Variants in MCTP1 observed in about 807,000 individuals in gnomAD.
MCTP1 encodes the protein multiple C2 and transmembrane domain containing 1, also known as multiple C2 and transmembrane domain-containing protein 1.
A neutral mutation model predicts 120.6 loss-of-function variants in MCTP1; 69 were observed. The observed-to-expected ratio is 0.57, with a 90% CI of 0.47 to 0.70. The LOEUF (loss-of-function observed/expected upper bound fraction) is 0.70, where lower values mean the gene tolerates loss of function less well. Ranked by LOEUF, MCTP1 falls within the 30% of genes least tolerant of loss-of-function variation. The pLI is 0.00. For synonymous variants in MCTP1, 529 were observed against 493.1 expected (o/e 1.07, Z -0.96); for missense variants, 1,203 against 1,248.8 (o/e 0.96, Z 0.55).
At chr5:95,272,488 C>A (rs1030055644) in intron 1 of MCTP1, among the ~76,000 whole-genome samples, 1 of 152,200 alleles carries the variant, frequency 6.6e-6, no homozygotes, top group Non-Finnish European at 1.5e-5. Flanking sequence ...CAAAGTTATC[C>A]AAGTCATCCA....
chr5:94,953,915 A>G (rs1382055350), intron 2 of MCTP1, among the ~76,000 whole-genome samples: 1 of 72,240 alleles, frequency 1.4e-5, no homozygotes, highest in Non-Finnish European at 2.6e-5. Context: ...GCATATATAT[A>G]CAAATATAAT....
intron 2 of MCTP1, among the ~76,000 whole-genome samples, chr5:94,975,744 C>A (rs138863075): frequency 2.6e-5 from 4 of 152,106 alleles, no homozygotes; most frequent in African/African-American, 7.2e-5. Context: ...CTTTCCCTCT[C>A]TCTTGAGTGT....
At chr5:95,168,371 C>T (rs538888890) in intron 1 of MCTP1, among the ~76,000 whole-genome samples, 77 of 152,240 alleles carry the variant, frequency 5.1e-4, no homozygotes, top group African/African-American at 1.8e-3. Flanking sequence ...ATTGACTTGG[C>T]AATGTGGGCT....
chr5:95,135,222 A>T (rs1234549799), intron 1 of MCTP1, among the ~76,000 whole-genome samples: 1 of 152,164 alleles, frequency 6.6e-6, no homozygotes, highest in Non-Finnish European at 1.5e-5. Flanking sequence ...AGTAGATAAT[A>T]AGAATACATA....
In MCTP1 at chr5:94,864,870, T is replaced by C. The variant is rs76871791; in HGVS notation, c.2436+3463A>G. Among the ~76,000 whole-genome samples the C allele has an allele frequency of 8.0e-3, 1,213 of 151,822 alleles. 8 individuals are homozygous for C. The highest frequency in any genetic ancestry group is 0.013 in the South Asian group (61 of 4,812). ...GAAAGAGAAAATGTGCACTCTTTCT[T>C]CCCCCATGTTGCACCCACTGACATC... On this transcript the variant is annotated intron_variant, in intron 17 of 22. Transcript: ENST00000515393.
At chr5:95,044,945 G>A (rs1842927482) in intron 1 of MCTP1, among the ~76,000 whole-genome samples, 1 of 152,084 alleles carries the variant, frequency 6.6e-6, no homozygotes, top group South Asian at 2.1e-4. Flanking sequence ...TGATCGTCAA[G>A]CATCAAAATG....
intron 2 of MCTP1, among the ~76,000 whole-genome samples, chr5:94,968,422 T>C (rs925519497): frequency 4.6e-5 from 7 of 152,202 alleles, no homozygotes; most frequent in Admixed American, 3.3e-4. Context: ...CTTGGATCTC[T>C]CTTTGGGAAA....
chr5:95,189,744 T>C (rs544860423), intron 1 of MCTP1, among the ~76,000 whole-genome samples: 2 of 152,148 alleles, frequency 1.3e-5, no homozygotes, highest in Non-Finnish European at 2.9e-5. Flanking sequence ...CGTGAGATAC[T>C]GTTAATGATG....
chr5:94,871,024 C>T lies in MCTP1; in HGVS notation c.2140-51G>A, dbSNP rs549737509. ...TCTGTCTCGCGGTCTCTACTGAATA[C>T]ACTCCCTCAGTGACCTTTGACCCCC... is the stretch of plus-strand genomic sequence containing the variant. On this transcript the variant is annotated intron_variant, in intron 14 of 22. Transcript: ENST00000515393. 5 of 1,426,644 alleles carry T rather than the reference C, an allele frequency of 3.5e-6. No individual in the cohort carries two copies. In the African/African-American group the frequency reaches 5.6e-5, roughly 16 times the overall value. 88.4% of individuals were successfully genotyped at this position (1,426,644 alleles called of 1,614,324 possible).
At chr5:94,834,812 CTTTTTTT>C (rs141103769) in intron 17 of MCTP1, among the ~76,000 whole-genome samples, 2 of 88,630 alleles carry the variant, frequency 2.3e-5, no homozygotes, top group African/African-American at 4.0e-5. Context: ...AACATTCTCT[CTTTTTTT>C]TTTTTTTTTT....
intron 1 of MCTP1, among the ~76,000 whole-genome samples, chr5:95,278,028 C>T (rs1484850489): frequency 6.6e-6 from 1 of 150,392 alleles, no homozygotes; most frequent in Non-Finnish European, 1.5e-5. Context: ...ATATTCCATA[C>T]TACAGTTAAA....
chr5:94,747,742 T>TA (rs1767254786), intron 19 of MCTP1, among the ~76,000 whole-genome samples: 1 of 152,134 alleles, frequency 6.6e-6, no homozygotes, highest in South Asian at 2.1e-4. Context: ...TAGTGGTCTT[T>TA]AACTATTATA....
intron 1 of MCTP1, among the ~76,000 whole-genome samples, chr5:95,060,239 G>A (rs1052299010): frequency 6.6e-6 from 1 of 152,094 alleles, no homozygotes; most frequent in Non-Finnish European, 1.5e-5. Context: ...GAGCTAGAGG[G>A]GAACATAATC....
chr5:95,065,561 T>C lies in MCTP1; in HGVS notation c.721-48077A>G, dbSNP rs552661760. Among the ~76,000 whole-genome samples the C allele has an allele frequency of 3.3e-5, 5 of 152,298 alleles. No individual in the cohort carries two copies. The East Asian group carries it at 9.6e-4, about 29-fold the overall frequency. On this transcript the variant is annotated intron_variant, in intron 1 of 22. Coordinates refer to ENST00000515393, the MANE Select transcript of MCTP1 (RefSeq NM_024717.7). ...GAAAACATTTGATAGAATTCAATAC[T>C]CATTAATTTTAAGAAAATCTAGCAA...
At chr5:95,023,563 C>T (rs1379802370) in intron 1 of MCTP1, among the ~76,000 whole-genome samples, 3 of 152,206 alleles carry the variant, frequency 2.0e-5, no homozygotes, top group Non-Finnish European at 4.4e-5. Flanking sequence ...GGCCACCACT[C>T]TGTCAGCTCC....
intron 2 of MCTP1, among the ~76,000 whole-genome samples, chr5:95,010,403 T>A (rs1835698278): frequency 6.6e-6 from 1 of 152,138 alleles, no homozygotes; most frequent in South Asian, 2.1e-4. Context: ...TTTCAAGCTA[T>A]CCATCTCCAT....
intron 2 of MCTP1, among the ~76,000 whole-genome samples, chr5:94,991,702 C>T (rs560797398): frequency 6.9e-5 from 9 of 130,368 alleles, no homozygotes; most frequent in African/African-American, 1.5e-4. Flanking sequence ...GGTGAAACCT[C>T]GTCTCTACTA....
At chr5:95,173,217 T>C (rs1218562401) in intron 1 of MCTP1, among the ~76,000 whole-genome samples, 1 of 152,160 alleles carries the variant, frequency 6.6e-6, no homozygotes, top group Non-Finnish European at 1.5e-5. Flanking sequence ...CTACAAGCAA[T>C]TTCAATCTAT....
intron 12 of MCTP1, among the ~76,000 whole-genome samples, chr5:94,876,439 T>C (rs938308099): frequency 6.6e-6 from 1 of 152,124 alleles, no homozygotes; most frequent in Non-Finnish European, 1.5e-5. Context: ...AGAAGTCCTC[T>C]GTAATGTTTT....
Sources: gnomAD v4.1 joint callset for allele counts (sites outside exome capture counted in the v4.1 genomes callset) on GRCh38, gnomAD v4.1.1 for gene constraint, MANE v1.5 for transcripts, NCBI Gene and HGNC (gene_info 2026-07-23, HGNC 2026-07-21) for gene names.